The following NLGN1 variants were observed in gnomAD, a reference collection of about 807,000 sequenced individuals.
NLGN1 encodes neuroligin-1.
NLGN1 carries 12 observed loss-of-function variants against 65.5 expected under a neutral mutation model. The ratio of observed to expected loss-of-function variants is 0.18; its 90% CI spans 0.12 to 0.30. The LOEUF is 0.30. Among genes scored for constraint, NLGN1 ranks in the 10% least tolerant of loss-of-function variants. NLGN1 has a pLI of 1.00. For missense variants in NLGN1, 750 were observed against 1,007.1 expected (o/e 0.74, Z 3.46); for synonymous variants, 350 against 359.5 (o/e 0.97, Z 0.30).
intron 3 of NLGN1, among the ~76,000 whole-genome samples, chr3:173,677,557 A>G (rs781613637): frequency 2.7e-4 from 41 of 152,112 alleles, no homozygotes; most frequent in Admixed American, 1.3e-3. Flanking sequence ...TTCTTCACAG[A>G]TGAGCAGAAA....
chr3:173,776,191 G>A lies in NLGN1; in HGVS notation c.494-31489G>A, dbSNP rs193259570. On this transcript the variant is annotated intron_variant, in intron 3 of 6. Coordinates refer to ENST00000457714, the Ensembl canonical transcript of NLGN1. ...AATAAGTCAACTTTCTCCAAATATC[G>A]GGGTAATGAACAAAAAAACTTTATT... Among the ~76,000 whole-genome samples the A allele has an allele frequency of 2.5e-3, 386 of 151,984 alleles. 7 individuals are homozygous for A. The highest frequency in any genetic ancestry group is 8.5e-3 in the African/African-American group (352 of 41,484).
At chr3:173,875,066 A>G (rs1213432534) in intron 4 of NLGN1, among the ~76,000 whole-genome samples, 1 of 152,206 alleles carries the variant, frequency 6.6e-6, no homozygotes, top group Admixed American at 6.5e-5. Flanking sequence ...GGTATAAATC[A>G]CATCCCCTTT....
intron 4 of NLGN1, among the ~76,000 whole-genome samples, chr3:173,881,537 G>A (rs13070662): frequency 6.8e-6 from 1 of 148,134 alleles, no homozygotes; most frequent in African/African-American, 2.5e-5. Context: ...CCATTCTCCT[G>A]CCTCAGCCTC....
intron 3 of NLGN1, among the ~76,000 whole-genome samples, chr3:173,734,388 T>A (rs1370994170): frequency 7.7e-6 from 1 of 130,660 alleles, no homozygotes; most frequent in Non-Finnish European, 1.6e-5. Context: ...TCTATTTTTT[T>A]TTTTTTTTTT....
At chr3:173,947,689 TAGA>T (rs1194498369) in intron 4 of NLGN1, among the ~76,000 whole-genome samples, 1 of 152,204 alleles carries the variant, frequency 6.6e-6, no homozygotes, top group Non-Finnish European at 1.5e-5. Context: ...AACATTCACT[TAGA>T]ATTTATTTTT....
chr3:173,586,278 C>T (rs1244757444), intron 2 of NLGN1, among the ~76,000 whole-genome samples: 1 of 152,126 alleles, frequency 6.6e-6, no homozygotes, highest in African/African-American at 2.4e-5. Context: ...TCAGGGATTT[C>T]TGGTTTACAG....
chr3:173,804,741 GC>G (rs574396978), intron 3 of NLGN1, among the ~76,000 whole-genome samples: 4 of 150,990 alleles, frequency 2.6e-5, no homozygotes, highest in Non-Finnish European at 5.9e-5. Flanking sequence ...ACAAAGTAAA[GC>G]CTGGCCAGGC....
chr3:173,831,917 T>C (rs1045586283), intron 4 of NLGN1, among the ~76,000 whole-genome samples: 6 of 151,818 alleles, frequency 4.0e-5, no homozygotes, highest in African/African-American at 1.5e-4. Context: ...GCTATCTTTA[T>C]AATTATTATT....
chr3:173,585,855 T>A (rs931293414), intron 2 of NLGN1, among the ~76,000 whole-genome samples: 8 of 152,186 alleles, frequency 5.3e-5, no homozygotes, highest in South Asian at 4.1e-4. Context: ...TTTCTTTTTT[T>A]AAGAATTTTG....
At chr3:173,628,225 G>C (rs989520859) in intron 3 of NLGN1, among the ~76,000 whole-genome samples, 1 of 152,080 alleles carries the variant, frequency 6.6e-6, no homozygotes, top group African/African-American at 2.4e-5. Context: ...ACTGTTTTCT[G>C]TTCTTGTTTA....
chr3:173,631,025 T>A (rs1755602650), intron 3 of NLGN1, among the ~76,000 whole-genome samples: 2 of 152,092 alleles, frequency 1.3e-5, no homozygotes, highest in African/African-American at 4.8e-5. Flanking sequence ...CTCAGGGCAA[T>A]GAAGTTCTGC....
Position 173,994,465 on chromosome 3 carries a change from CAAAAAAAAAAAA to C in NLGN1, c.646+186649_646+186660del, listed in dbSNP as rs1170577220. On this transcript the variant is annotated intron_variant, in intron 4 of 6. Coordinates refer to ENST00000457714, the Ensembl canonical transcript of NLGN1. ...TTTTTTATTTTAACCTTGAGAAAAG[CAAAAAAAAAAAA>C]AAAAAAAAAAAAAAAGAGAGAGAGA... Among the ~76,000 whole-genome samples, 20 of 32,916 alleles carry C rather than the reference CAAAAAAAAAAAA, an allele frequency of 6.1e-4. 2 individuals are homozygous for C. The highest frequency in any genetic ancestry group is 4.5e-4 in the Admixed American group (1 of 2,236). 21.6% of individuals were successfully genotyped at this position (32,916 alleles called of 152,430 possible). A position where few individuals can be genotyped will look rare whatever the true frequency, so the allele number is the denominator to read the frequency against.
chr3:173,750,240 C>T (rs1578252087), intron 3 of NLGN1, among the ~76,000 whole-genome samples: 1 of 152,186 alleles, frequency 6.6e-6, no homozygotes, highest in Middle Eastern at 3.4e-3. Context: ...GGACTTTCTA[C>T]TGAAGCCTTT....
At chr3:173,497,155 G>A (rs1325832818) in intron 2 of NLGN1, among the ~76,000 whole-genome samples, 5 of 151,748 alleles carry the variant, frequency 3.3e-5, no homozygotes, top group African/African-American at 7.3e-5. Context: ...AGGCCAAGGC[G>A]GGCAGATCAC....
chr3:174,105,145 G>T (rs1576895407), intron 4 of NLGN1, among the ~76,000 whole-genome samples: 1 of 152,056 alleles, frequency 6.6e-6, no homozygotes, highest in Non-Finnish European at 1.5e-5. Flanking sequence ...GGGAGACAAA[G>T]AAGTAGAATA....
chr3:173,790,648 G>A (rs976990895), intron 3 of NLGN1, among the ~76,000 whole-genome samples: 2 of 151,862 alleles, frequency 1.3e-5, no homozygotes, highest in African/African-American at 4.8e-5. Flanking sequence ...TCTTTTTAAA[G>A]TGCATATCAT....
intron 4 of NLGN1, among the ~76,000 whole-genome samples, chr3:174,012,216 A>ATACT (rs1725703322): frequency 6.6e-6 from 1 of 152,098 alleles, no homozygotes; most frequent in Non-Finnish European, 1.5e-5. Context: ...CCCATCTCCC[A>ATACT]TACTTACACC....
At chr3:173,794,460 T>C (rs373370204) in intron 3 of NLGN1, among the ~76,000 whole-genome samples, 5 of 152,262 alleles carry the variant, frequency 3.3e-5, no homozygotes, top group African/African-American at 7.2e-5. Context: ...CCCATCTTCA[T>C]TGAAATAGCT....
chr3:173,849,146 A>C (rs1265834254), intron 4 of NLGN1, among the ~76,000 whole-genome samples: 1 of 152,214 alleles, frequency 6.6e-6, no homozygotes, highest in Non-Finnish European at 1.5e-5. Flanking sequence ...TAATGAAAAA[A>C]GAAAAAAATT....
Sources: gnomAD v4.1 joint callset for allele counts (sites outside exome capture counted in the v4.1 genomes callset) on GRCh38, gnomAD v4.1.1 for gene constraint, MANE v1.5 for transcripts, NCBI Gene and HGNC (gene_info 2026-07-23, HGNC 2026-07-21) for gene names.